The following SLC27A1 variants were observed in gnomAD, a reference collection of about 807,000 sequenced individuals.
SLC27A1 encodes the protein solute carrier family 27 member 1.
Under a neutral mutation model 62.2 loss-of-function variants are expected in SLC27A1, and 61 were observed. That is an observed-to-expected ratio of 0.98 (90% confidence interval 0.80 to 1.21). SLC27A1 has a LOEUF of 1.21. Ranked by LOEUF, SLC27A1 falls within the 50% of genes most tolerant of loss-of-function variation. The probability of loss-of-function intolerance (pLI) is 0.00; values close to 1 mark genes in which losing one functional copy is unlikely to be tolerated. For missense variants in SLC27A1, 903 were observed against 932.1 expected, an observed-to-expected ratio of 0.97 and a Z score of 0.41; for synonymous variants, 435 against 408.6, an observed-to-expected ratio of 1.06 and a Z score of -0.78.
Position 17,504,818 on chromosome 19 carries a change from C to T in SLC27A1, c.*206C>T, listed in dbSNP as rs553223596. The T allele has an allele frequency of 1.4e-5, 10 of 713,146 alleles. No individual in the cohort carries two copies. In the East Asian group the frequency reaches 2.2e-4, roughly 15 times the overall value. The allele number at this position is 713,146 out of a possible 1,614,324, so 44.2% of individuals were successfully genotyped here. On this transcript the variant is annotated 3_prime_UTR_variant, in exon 12 of 12. Coordinates refer to ENST00000252595, the MANE Select transcript of SLC27A1 (RefSeq NM_198580.3). Reference sequence around the variant, plus strand: ...GTGCCCCTGTGTCTGCCTCCTCTCCCTGCTTTTCAGCCTCTGTCTCCTTCC... The same window carrying T: ...GTGCCCCTGTGTCTGCCTCCTCTCCTTGCTTTTCAGCCTCTGTCTCCTTCC...
chr19:17,487,128 G>C, intron 2 of SLC27A1, 46 bp from the exon 3 acceptor site: 1 of 1,611,968 alleles, frequency 6.2e-7, no homozygotes, highest in Admixed American at 1.7e-5. Flanking sequence ...GCCTCGGGAG[G>C]GGGCCTGTCC....
At chr19:17,470,336 G>C (rs1364684723), upstream of SLC27A1, 1 of 573,156 alleles carries the variant, frequency 1.7e-6, no homozygotes, top group Non-Finnish European at 2.8e-6. Flanking sequence ...AGCCTGGAAA[G>C]GGGCGATGCC....
In SLC27A1 at chr19:17,504,900, C is replaced by CT. The variant is rs371367749; in HGVS notation, c.*298dup. The stretch of plus-strand genomic sequence containing the variant: ...CTCTTTTTCTTTTCTTTCTTTCTTT[C>CT]TTTTTTTTTTAAGATAGAGTCTCAC... On this transcript the variant is annotated 3_prime_UTR_variant, in exon 12 of 12. Transcript: ENST00000252595. 826 of 516,386 alleles carry CT rather than the reference C, an allele frequency of 1.6e-3. No homozygotes were observed. Among genetic ancestry groups the CT allele is most frequent in the East Asian group, 3.0e-3 (69 of 22,674 alleles). The allele number at this position is 516,386 out of a possible 1,614,324, so 32.0% of individuals were successfully genotyped here.
intron 1 of SLC27A1, among the ~76,000 whole-genome samples, chr19:17,475,200 C>A (rs1302845761): frequency 6.6e-6 from 1 of 152,174 alleles, no homozygotes; most frequent in South Asian, 2.1e-4. Context: ...CAGGCTGAAC[C>A]ACTGCGCCCA....
chr19:17,500,749 C>A lies in SLC27A1; in HGVS notation c.1509C>A (p.Tyr503Ter). 1 of 1,613,992 alleles carries A rather than the reference C, an allele frequency of 6.2e-7. No homozygotes were observed. Among genetic ancestry groups the A allele is most frequent in the Non-Finnish European group, 8.5e-7 (1 of 1,179,996 alleles). The change falls in exon 10 of 12, where the codon TAC (tyrosine) becomes TAA (stop). Residue 503 changes from tyrosine (Y) to a stop codon, truncating the protein, a stop_gained. Coordinates refer to ENST00000252595, the MANE Select transcript of SLC27A1 (RefSeq NM_198580.3). LOFTEE classifies it high-confidence loss of function. The stretch of plus-strand genomic sequence containing the variant: ...TGATGGATGAGCTGGGCTACATGTA[C>A]TTCCGGGACCGTAGCGGGGACACCT... ...VLVMDELGYM[Y>*]FRDRSGDTFR...
intron 4 of SLC27A1, among the ~76,000 whole-genome samples, chr19:17,487,893 G>GC (rs1420497203): frequency 6.9e-6 from 1 of 144,268 alleles, no homozygotes; most frequent in African/African-American, 2.6e-5. Context: ...TTTTTTCCAT[G>GC]CCCCCCATCT....
At chr19:17,478,890 G>T (rs901839670) in intron 1 of SLC27A1, among the ~76,000 whole-genome samples, 3 of 151,928 alleles carry the variant, frequency 2.0e-5, no homozygotes, top group African/African-American at 7.3e-5. Flanking sequence ...AGAAGGCAGA[G>T]TGTTGTCTTG....
rs1378748401 is a variant in SLC27A1 at position 17,487,344 on chromosome 19, A to G, written c.724+9A>G. On this transcript the variant is annotated intron_variant, in intron 3 of 11. Coordinates refer to ENST00000252595, the MANE Select transcript of SLC27A1 (RefSeq NM_198580.3). The stretch of plus-strand genomic sequence containing the variant: ...CAGCAAGGGCATGGACGGTGAGTCA[A>G]GGGTGGGACCCCTGCTCTATCAACT... The G allele has an allele frequency of 6.2e-7, 1 of 1,603,756 alleles. No individual in the cohort carries two copies. Among genetic ancestry groups the G allele is most frequent in the Non-Finnish European group, 8.5e-7 (1 of 1,175,960 alleles).
In SLC27A1 at chr19:17,500,849, G is replaced by A. The variant is rs767819788; in HGVS notation, c.1609G>A (p.Val537Met). The A allele has an allele frequency of 3.7e-6, 6 of 1,610,712 alleles. 1 individual carries two copies. In the Admixed American group the frequency reaches 5.1e-5, roughly 14 times the overall value. ...GAGCCGCCTGCTGGGCCAGACAGAC[G>A]TGGCCGTCTATGGGGTGGCTGTTCC... ...VLSRLLGQTD[V>M]AVYGVAVPGV... Residue 537 changes from valine (V) to methionine (M), a missense_variant, in exon 10 of 12, where the codon GTG becomes ATG. Transcript: ENST00000252595.
At chr19:17,472,008 A>T (rs1380620915) in intron 1 of SLC27A1, among the ~76,000 whole-genome samples, 1 of 151,800 alleles carries the variant, frequency 6.6e-6, no homozygotes, top group Non-Finnish European at 1.5e-5. Context: ...AACATACTGG[A>T]CCCCTTTTAG....
intron 7 of SLC27A1, chr19:17,497,933 C>G (rs1271991476): frequency 5.3e-6 from 1 of 190,340 alleles, no homozygotes; most frequent in African/African-American, 2.4e-5. Flanking sequence ...CCTCAGCCTC[C>G]CAAGTAGCAG....
chr19:17,469,359 T>C (rs62126775), upstream of SLC27A1, among the ~76,000 whole-genome samples: 563 of 152,012 alleles, frequency 3.7e-3, 2 homozygotes, highest in Non-Finnish European at 5.1e-3. Context: ...GGGGCTTGGA[T>C]TTAGGACAAG....
chr19:17,492,616 CAAA>C (rs35790162), intron 6 of SLC27A1, among the ~76,000 whole-genome samples: 2 of 70,636 alleles, frequency 2.8e-5, no homozygotes, highest in Admixed American at 1.8e-4. Flanking sequence ...GACTCCATCT[CAAA>C]AAAAAAAAAA....
chr19:17,482,650 C>CAA (rs57804553), intron 1 of SLC27A1, among the ~76,000 whole-genome samples: 41 of 60,626 alleles, frequency 6.8e-4, no homozygotes, highest in East Asian at 1.5e-3. Context: ...GACTCTGTCT[C>CAA]AAAAAAAAAA....
chr19:17,473,646 G>A (rs1245694197), intron 1 of SLC27A1, among the ~76,000 whole-genome samples: 1 of 152,200 alleles, frequency 6.6e-6, no homozygotes, highest in Non-Finnish European at 1.5e-5. Context: ...TGGATCACCT[G>A]AGGTCAGGAG....
intron 6 of SLC27A1, among the ~76,000 whole-genome samples, chr19:17,491,717 T>A (rs1188069239): frequency 2.0e-5 from 3 of 151,402 alleles, no homozygotes; most frequent in Non-Finnish European, 2.9e-5. Context: ...TACAAAAAAA[T>A]TGAAAATCTA....
In SLC27A1 at chr19:17,504,548, G is replaced by A; in HGVS notation, c.1877G>A (p.Gly626Asp). 6.2e-7 allele frequency: 1 copy of A among 1,614,162 alleles called. No individual in the cohort carries two copies. The highest frequency in any genetic ancestry group is 8.5e-7 in the Non-Finnish European group (1 of 1,180,036). The change falls in exon 12 of 12, where the codon GGC becomes GAC. Residue 626 changes from glycine to aspartate, a missense_variant. Gly to Asp is a moderately conservative substitution (Grantham distance 94). Transcript: ENST00000252595. ...CTCTTCTTCCTGGACCTGAAGCAGG[G>A]CCACTACCTGCCCTTAAATGAGGCA... ...DRLFFLDLKQ[G>D]HYLPLNEAVY...
intron 1 of SLC27A1, among the ~76,000 whole-genome samples, chr19:17,474,087 T>C (rs572975549): frequency 6.6e-6 from 1 of 152,184 alleles, no homozygotes; most frequent in South Asian, 2.1e-4. Context: ...GGACTACAGA[T>C]GCGTGCCACA....
At chr19:17,503,282 G>T (rs2075436694) in intron 11 of SLC27A1, among the ~76,000 whole-genome samples, 1 of 152,152 alleles carries the variant, frequency 6.6e-6, no homozygotes, top group South Asian at 2.1e-4. Flanking sequence ...TGCCCAGGCT[G>T]GTCTCGCAGT....
Sources: gnomAD v4.1 joint callset for allele counts (sites outside exome capture counted in the v4.1 genomes callset) on GRCh38, gnomAD v4.1.1 for gene constraint, MANE v1.5 for transcripts, NCBI Gene and HGNC (gene_info 2026-07-23, HGNC 2026-07-21) for gene names.